The following DPYSL5 variants were observed in gnomAD, a reference collection of about 807,000 sequenced individuals.
The protein encoded by DPYSL5 is dihydropyrimidinase-related protein 5.
In DPYSL5, 9 loss-of-function variants were observed where a neutral mutation model predicts 58.4. The ratio of observed to expected loss-of-function variants is 0.15; its 90% CI spans 0.09 to 0.27. The LOEUF (loss-of-function observed/expected upper bound fraction) is 0.27, where lower values mean the gene tolerates loss of function less well. Ranked by LOEUF, DPYSL5 falls within the 10% of genes least tolerant of loss-of-function variation. DPYSL5 has a pLI of 1.00. For missense variants in DPYSL5, 499 were observed against 770.6 expected, an observed-to-expected ratio of 0.65 and a Z score of 4.17; for synonymous variants, 293 against 301.9, an observed-to-expected ratio of 0.97 and a Z score of 0.31.
intron 2 of DPYSL5, among the ~76,000 whole-genome samples, chr2:26,913,741 C>A (rs754804377): frequency 6.6e-6 from 1 of 152,184 alleles, no homozygotes; most frequent in Non-Finnish European, 1.5e-5. Flanking sequence ...CTGATGACTT[C>A]AGTGAGAGTG....
chr2:26,916,986 G>A (rs779921168), intron 2 of DPYSL5, among the ~76,000 whole-genome samples: 1 of 152,142 alleles, frequency 6.6e-6, no homozygotes, highest in African/African-American at 2.4e-5. Context: ...AATATTTACT[G>A]GGCTCCTACT....
chr2:26,940,328 CA>C (rs1452437759), intron 9 of DPYSL5, among the ~76,000 whole-genome samples, 156 bp downstream of exon 9: 2 of 150,900 alleles, frequency 1.3e-5, no homozygotes, highest in Non-Finnish European at 3.0e-5. Flanking sequence ...CACTCAAAAA[CA>C]AAACACAAAA....
At chr2:26,936,328 C>G (rs1308572334) in intron 8 of DPYSL5, among the ~76,000 whole-genome samples, 3 of 152,182 alleles carry the variant, frequency 2.0e-5, no homozygotes, top group Admixed American at 1.3e-4. Context: ...AGGTGCTTGT[C>G]TCATCCATGT....
rs541864723 is a variant in DPYSL5, at chr2:26,869,942, C to T, written c.-5+21688C>T. Among the ~76,000 whole-genome samples the T allele has an allele frequency of 4.6e-5, 7 of 152,238 alleles. No homozygotes were observed. The East Asian group carries it at 7.7e-4, about 17-fold the overall frequency. On this transcript the variant is annotated intron_variant, in intron 1 of 12. Transcript: ENST00000288699. Reference sequence around the variant, plus strand: ...AGGAGAATTGCTTGAACCTGGGAGGCGGAGGTTGCAGTGAGCTGAGATCGC... The same window carrying T: ...AGGAGAATTGCTTGAACCTGGGAGGTGGAGGTTGCAGTGAGCTGAGATCGC...
In DPYSL5 at chr2:26,889,693, GA is replaced by G. The variant is rs112768243; in HGVS notation, c.-4-8790del. Among the ~76,000 whole-genome samples the G allele has an allele frequency of 3.2e-3, 444 of 139,050 alleles. 1 individual carries two copies. The highest frequency in any genetic ancestry group is 0.015 in the South Asian group (63 of 4,316). The allele number at this position is 139,050 out of a possible 152,430, so 91.2% of individuals were successfully genotyped here. A position where few individuals can be genotyped will look rare whatever the true frequency, so the allele number is the denominator to read the frequency against. On this transcript the variant is annotated intron_variant, in intron 1 of 12. Transcript: ENST00000288699. ...TGCTTAAGAACCTGCATAGCGTAGG[GA>G]AAAAAAAAAAAAGCCTGTATCACAA... is the stretch of plus-strand genomic sequence containing the variant.
intron 5 of DPYSL5, among the ~76,000 whole-genome samples, chr2:26,930,006 C>T (rs1371614): frequency 0.29 from 43,407 of 152,040 alleles, 6,672 homozygotes; most frequent in Admixed American, 0.36. Flanking sequence ...GGGGAGGCCT[C>T]GAGGGACAAG....
intron 6 of DPYSL5, among the ~76,000 whole-genome samples, chr2:26,932,508 A>G (rs137977554): frequency 3.3e-5 from 5 of 152,358 alleles, no homozygotes; most frequent in East Asian, 1.9e-4. Context: ...GAATTTCCCA[A>G]TTGCACTTTA....
At chr2:26,936,966 G>A (rs1216378175) in intron 8 of DPYSL5, among the ~76,000 whole-genome samples, 1 of 49,722 alleles carries the variant, frequency 2.0e-5, no homozygotes, top group Admixed American at 1.5e-4. Context: ...AAAAAAGCTT[G>A]TTTTGAGAAG....
chr2:26,853,690 G>A lies in DPYSL5; in HGVS notation c.-5+5436G>A, dbSNP rs115063117. Among the ~76,000 whole-genome samples the A allele has an allele frequency of 3.9e-3, 600 of 152,280 alleles. 1 individual carries two copies. The highest frequency in any genetic ancestry group is 6.8e-3 in the Middle Eastern group (2 of 294). ...TATCTGTAGGGAAGGCTGGCAGACC[G>A]GAAACTAGGCAGGAGCTCATGGTGC... On this transcript the variant is annotated intron_variant, in intron 1 of 12. Transcript: ENST00000288699.
chr2:26,870,762 C>G (rs953218548), intron 1 of DPYSL5, among the ~76,000 whole-genome samples: 1 of 151,370 alleles, frequency 6.6e-6, no homozygotes, highest in African/African-American at 2.4e-5. Flanking sequence ...ATCAAACTGT[C>G]ATTTTTTGAC....
chr2:26,934,961 T>G lies in DPYSL5; in HGVS notation c.947+227T>G, dbSNP rs1175269395. On this transcript the variant is annotated intron_variant, in intron 8 of 12. Transcript: ENST00000288699. This position sits in a 1 kb window ranked among gnomAD's most constrained non-coding sequence, Gnocchi z 4.3. Reference sequence around the variant, plus strand: ...GAAGTATAAGAGTGAAGAGCACATATAGAACTGTGAACCGTGGTTATTCGG... The same window carrying G: ...GAAGTATAAGAGTGAAGAGCACATAGAGAACTGTGAACCGTGGTTATTCGG... Among the ~76,000 whole-genome samples, 1 of 152,212 alleles carries G rather than the reference T, an allele frequency of 6.6e-6. No individual in the cohort carries two copies. The highest frequency in any genetic ancestry group is 2.1e-4 in the South Asian group (1 of 4,828).
chr2:26,866,275 A>G (rs1373723667), intron 1 of DPYSL5, among the ~76,000 whole-genome samples: 1 of 152,244 alleles, frequency 6.6e-6, no homozygotes, highest in Admixed American at 6.5e-5. Flanking sequence ...AGTCCTGTGC[A>G]TGACACATAA....
intron 5 of DPYSL5, among the ~76,000 whole-genome samples, chr2:26,929,406 A>G (rs1341046050): frequency 6.6e-6 from 1 of 152,074 alleles, no homozygotes; most frequent in Non-Finnish European, 1.5e-5. Context: ...CTAATTTTGT[A>G]TGTTTAGTAG....
chr2:26,890,275 C>A (rs1484435484), intron 1 of DPYSL5, among the ~76,000 whole-genome samples: 2 of 152,150 alleles, frequency 1.3e-5, no homozygotes, highest in Non-Finnish European at 2.9e-5. Context: ...AAGAGCAGGG[C>A]CTGTGGTTTT....
At chr2:26,882,111 A>AAGAAAG (rs764472198) in intron 1 of DPYSL5, among the ~76,000 whole-genome samples, 9,630 of 147,060 alleles carry the variant, frequency 0.065, 405 homozygotes, top group Middle Eastern at 0.15. Context: ...AAAAAAAAAA[A>AAGAAAG]AGAAAGAAAG....
intron 6 of DPYSL5, 141 bp downstream of exon 6, chr2:26,931,825 T>C: frequency 1.2e-6 from 1 of 805,368 alleles, no homozygotes. Flanking sequence ...CTGGCCAACA[T>C]GGTGAAACCC....
chr2:26,928,711 A>ACACACACACACACACACC (rs1484391295), intron 5 of DPYSL5, among the ~76,000 whole-genome samples: 1 of 84,942 alleles, frequency 1.2e-5, no homozygotes, highest in Non-Finnish European at 2.6e-5. Flanking sequence ...ATATACACAC[A>ACACACACACACACACACC]CACACATACA....
At chr2:26,921,829 C>T (rs898444392) in intron 2 of DPYSL5, among the ~76,000 whole-genome samples, 1 of 152,132 alleles carries the variant, frequency 6.6e-6, no homozygotes, top group African/African-American at 2.4e-5. Context: ...CATCCATTGC[C>T]ACCTGACCCT....
intron 2 of DPYSL5, among the ~76,000 whole-genome samples, chr2:26,919,685 A>G (rs1275729706): frequency 6.6e-6 from 1 of 152,222 alleles, no homozygotes; most frequent in Non-Finnish European, 1.5e-5. Context: ...GTCAGCCACC[A>G]GGCTCAAGGA....
Sources: allele counts gnomAD v4.1 joint callset (sites outside exome capture counted in the v4.1 genomes callset), GRCh38; gene constraint gnomAD v4.1.1; non-coding constraint Gnocchi (gnomAD v3.1); transcripts MANE v1.5; gene names NCBI Gene and HGNC (gene_info 2026-07-23, HGNC 2026-07-21).